AKAP8: variants seen among roughly 807,000 people sequenced by gnomAD.
The protein encoded by AKAP8 is A-kinase anchor protein 8.
A neutral mutation model predicts 67.5 loss-of-function variants in AKAP8; 24 were observed. The ratio of observed to expected loss-of-function variants is 0.36; its 90% CI spans 0.26 to 0.50. The LOEUF (loss-of-function observed/expected upper bound fraction) is 0.50. Among genes scored for constraint, AKAP8 ranks in the 20% least tolerant of loss-of-function variants. The probability of loss-of-function intolerance (pLI) is 0.97; values close to 1 mark genes in which losing one functional copy is unlikely to be tolerated. For synonymous variants in AKAP8, 400 were observed against 371.1 expected (o/e 1.08, Z -0.90); for missense variants, 971 against 955.9 (o/e 1.02, Z -0.21).
chr19:15,366,481 C>T (rs977367083), intron 9 of AKAP8, among the ~76,000 whole-genome samples: 1 of 146,212 alleles, frequency 6.8e-6, no homozygotes, highest in Non-Finnish European at 1.5e-5. Context: ...GCATTTCTCT[C>T]TTTTTTTTTT....
At chr19:15,365,246 CA>C (rs1967050432) in intron 9 of AKAP8, among the ~76,000 whole-genome samples, 1 of 152,214 alleles carries the variant, frequency 6.6e-6, no homozygotes, top group African/African-American at 2.4e-5. Flanking sequence ...TACGTGCAGA[CA>C]AAACACCTCG....
chr19:15,361,533 T>C, intron 11 of AKAP8, 196 bp downstream of exon 11: 1 of 488,756 alleles, frequency 2.0e-6, no homozygotes, highest in Non-Finnish European at 3.7e-6. Flanking sequence ...TGTATTTTTT[T>C]AGTAGAGACG....
chr19:15,358,861 A>G lies in AKAP8; in HGVS notation c.1623+106T>C. On this transcript the variant is annotated intron_variant, in intron 13 of 13. Coordinates refer to ENST00000269701, the MANE Select transcript of AKAP8 (RefSeq NM_005858.4). ...ATTCCAGTGTCCCTCAACTGTCAAA[A>G]GACTCAGAAATGCTAAATGCTGCAC... is the stretch of plus-strand genomic sequence containing the variant. The G allele has an allele frequency of 7.7e-6, 8 of 1,037,360 alleles. No individual in the cohort carries two copies. In the South Asian group the frequency reaches 1.0e-4, roughly 13 times the overall value. 64.3% of individuals were successfully genotyped at this position (1,037,360 alleles called of 1,614,324 possible).
rs71176406 is a variant in AKAP8 at position 15,364,108 on chromosome 19, CAAA to C, written c.1161-1860_1161-1858del. Among the ~76,000 whole-genome samples, 18 of 52,344 alleles carry C rather than the reference CAAA, an allele frequency of 3.4e-4. 1 individual carries two copies. The highest frequency in any genetic ancestry group is 1.2e-3 in the Admixed American group (3 of 2,588). The allele number at this position is 52,344 out of a possible 152,430, so 34.3% of individuals were successfully genotyped here. A position where few individuals can be genotyped will look rare whatever the true frequency, so the allele number is the denominator to read the frequency against. On this transcript the variant is annotated intron_variant, in intron 9 of 13. Coordinates refer to ENST00000269701, the MANE Select transcript of AKAP8 (RefSeq NM_005858.4). Reference sequence around the variant, plus strand: ...AATAAATAAATAAATTGGCAGTGGGCAAAAAAAAAAAAAAAAAGAAACAGGATT... The same window carrying C: ...AATAAATAAATAAATTGGCAGTGGGCAAAAAAAAAAAAAAGAAACAGGATT...
At chr19:15,370,043 C>T in intron 8 of AKAP8, 103 bp downstream of exon 8, 4 of 1,421,176 alleles carry the variant, frequency 2.8e-6, no homozygotes, top group Admixed American at 1.7e-5. Context: ...CCCACAGCCA[C>T]GGGCCCCTCC....
In AKAP8 at chr19:15,372,225, G is replaced by A. The variant is rs772240903; in HGVS notation, c.984C>T (p.Ser328=). The change falls in exon 6 of 14, where the codon TCC becomes TCT. Residue 328 remains serine (S), a synonymous_variant. Coordinates refer to ENST00000269701, the MANE Select transcript of AKAP8 (RefSeq NM_005858.4). ...LARVDSEGDF[S]ENDDAAGDFR... is the part of the protein sequence containing the mutation. ...CTGGCCCCCAGGACATACCATTTTC[G>A]GAGAAATCTCCTTCACTGTCAACCC... is the stretch of plus-strand genomic sequence containing the variant. 7 of 1,614,020 alleles carry A rather than the reference G, an allele frequency of 4.3e-6. No individual in the cohort carries two copies. Among genetic ancestry groups the A allele is most frequent in the South Asian group, 3.3e-5 (3 of 91,078 alleles).
chr19:15,354,574 A>C lies in AKAP8; in HGVS notation c.*341T>G, dbSNP rs2048264751. On this transcript the variant is annotated 3_prime_UTR_variant, in exon 14 of 14. Coordinates refer to ENST00000269701, the MANE Select transcript of AKAP8 (RefSeq NM_005858.4). The stretch of plus-strand genomic sequence containing the variant: ...AATAAAAAAAAAAATTAAGGAAAAA[A>C]ATAAAAAAGGAAGCATTCCATCAGT... The C allele has an allele frequency of 7.6e-6, 2 of 261,446 alleles. No homozygotes were observed. The highest frequency in any genetic ancestry group is 4.8e-5 in the Admixed American group (1 of 20,656). 16.2% of individuals were successfully genotyped at this position (261,446 alleles called of 1,614,324 possible).
In AKAP8 at chr19:15,372,257, G is replaced by C. The variant is rs754858114; in HGVS notation, c.952C>G (p.Leu318Val). ...FQLYEEPDTKLARVDSEGDFS... is the reference protein window; with the variant it reads ...FQLYEEPDTKVARVDSEGDFS... ...TCTCCTTCACTGTCAACCCGGGCCA[G>C]TTTGGTGTCTGGCTCCTCGTAAAGT... is the stretch of plus-strand genomic sequence containing the variant. Residue 318 changes from leucine (L) to valine (V), a missense_variant, in exon 6 of 14, where the codon CTG becomes GTG. Coordinates refer to ENST00000269701, the MANE Select transcript of AKAP8 (RefSeq NM_005858.4). The C allele has an allele frequency of 6.2e-7, 1 of 1,614,228 alleles. No individual in the cohort carries two copies. Among genetic ancestry groups the C allele is most frequent in the Non-Finnish European group, 8.5e-7 (1 of 1,180,048 alleles).
rs1568252792 is a variant in AKAP8 at position 15,371,969 on chromosome 19, C to G, written c.1021G>C (p.Asp341His). Residue 341 changes from aspartate to histidine, a missense_variant, in exon 7 of 14, where the codon GAT becomes CAT. Transcript: ENST00000269701. The part of the protein sequence containing the change: ...DDAAGDFRSG[D>H]EEFKGEDELC... ...GGACTTACACCCTTGAATTCTTCAT[C>G]TCCTGAGCGGAAGTCACCAGCTGCG... 6.2e-7 allele frequency: 1 copy of G among 1,614,140 alleles called. No homozygotes were observed. The highest frequency in any genetic ancestry group is 8.5e-7 in the Non-Finnish European group (1 of 1,180,032).
At chr19:15,357,361 A>G (rs1363393108) in intron 13 of AKAP8, among the ~76,000 whole-genome samples, 1 of 145,214 alleles carries the variant, frequency 6.9e-6, no homozygotes, top group East Asian at 2.2e-4. Context: ...CCCAGGACAC[A>G]GAGCTTGCAG....
intron 8 of AKAP8, chr19:15,368,572 C>A (rs890097629): frequency 1.0e-6 from 1 of 985,272 alleles, no homozygotes; most frequent in Non-Finnish European, 1.2e-6. Context: ...GCTAGGGACA[C>A]AGCCTGCCCA....
At chr19:15,357,837 A>G (rs939443351) in intron 13 of AKAP8, among the ~76,000 whole-genome samples, 1 of 148,932 alleles carries the variant, frequency 6.7e-6, no homozygotes, top group African/African-American at 2.5e-5. Flanking sequence ...GCATGCCACC[A>G]CGCCTGGCTA....
chr19:15,379,595 G>A, intron 1 of AKAP8, 118 bp downstream of exon 1: 1 of 1,231,202 alleles, frequency 8.1e-7, no homozygotes, highest in Admixed American at 2.7e-5. Context: ...TCTCCGGAGG[G>A]CCCAGCTGGG....
chr19:15,374,140 G>A, intron 3 of AKAP8, 75 bp from the exon 4 acceptor site: 2 of 1,484,582 alleles, frequency 1.3e-6, no homozygotes, highest in Admixed American at 2.3e-5. Flanking sequence ...ACCGGGGAGG[G>A]GCACCCGCTG....
intron 3 of AKAP8, 65 bp from the exon 4 acceptor site, chr19:15,374,130 A>G: frequency 6.7e-7 from 1 of 1,503,232 alleles, no homozygotes; most frequent in Non-Finnish European, 8.9e-7. Flanking sequence ...GGTGGACACA[A>G]CCGGGGAGGG....
intron 2 of AKAP8, 47 bp from the exon 3 acceptor site, chr19:15,374,682 G>A (rs1967222611): frequency 6.2e-7 from 1 of 1,607,416 alleles, no homozygotes; most frequent in African/African-American, 1.3e-5. Flanking sequence ...CAGAACGAAG[G>A]CACTGACACC....
intron 1 of AKAP8, among the ~76,000 whole-genome samples, chr19:15,378,304 G>C (rs952116050): frequency 7.9e-5 from 12 of 152,170 alleles, no homozygotes; most frequent in African/African-American, 2.9e-4. Flanking sequence ...CCAACCTCGA[G>C]AGACTGCTTC....
intron 13 of AKAP8, among the ~76,000 whole-genome samples, chr19:15,358,731 A>G (rs1966917386): frequency 6.6e-6 from 1 of 152,072 alleles, no homozygotes. Context: ...TTCATGGTAA[A>G]AATCCATTAC....
intron 3 of AKAP8, 145 bp downstream of exon 3, chr19:15,374,458 T>C: frequency 3.0e-6 from 3 of 997,486 alleles, no homozygotes; most frequent in Non-Finnish European, 2.9e-6. Context: ...TCCCCCCATA[T>C]ACACAACAGC....
Sources: gnomAD v4.1 joint callset for allele counts (sites outside exome capture counted in the v4.1 genomes callset) on GRCh38, gnomAD v4.1.1 for gene constraint, MANE v1.5 for transcripts, NCBI Gene and HGNC (gene_info 2026-07-23, HGNC 2026-07-21) for gene names.